PIK3R4: variants seen among roughly 807,000 people sequenced by gnomAD.
The protein encoded by PIK3R4 is phosphoinositide 3-kinase regulatory subunit 4.
Under a neutral mutation model 136.5 loss-of-function variants are expected in PIK3R4, and 46 were observed. That is an observed-to-expected ratio of 0.34 (90% CI 0.27 to 0.43). The LOEUF (loss-of-function observed/expected upper bound fraction) is 0.43. Among genes scored for constraint, PIK3R4 ranks in the 20% least tolerant of loss-of-function variants. The pLI is 1.00. For missense variants in PIK3R4, 1,331 were observed against 1,649.5 expected (o/e 0.81, Z 3.35); for synonymous variants, 557 against 566.7 (o/e 0.98, Z 0.24).
At position 130,745,361 on chromosome 3, in the gene PIK3R4, T is replaced by C. The variant is rs1395186874; in HGVS notation, c.-46-97A>G. ...ATTTGGTCTCTTCCAAAAAGACAGA[T>C]GCAGCATACTTCTCTTCCACTAACA... On this transcript the variant is annotated intron_variant, in intron 1 of 19. Transcript: ENST00000356763. 5.1e-6 allele frequency: 4 copies of C among 789,422 alleles called. No homozygotes were observed. The African/African-American group carries it at 7.0e-5, about 14-fold the overall frequency. The allele number at this position is 789,422 out of a possible 1,614,324, so 48.9% of individuals were successfully genotyped here.
chr3:130,718,782 G>A (rs1171722818), intron 7 of PIK3R4, among the ~76,000 whole-genome samples: 2 of 152,106 alleles, frequency 1.3e-5, no homozygotes, highest in Admixed American at 6.5e-5. Context: ...CATAGCTGAG[G>A]ACTTAAAATT....
chr3:130,731,938 C>T (rs1356908657), intron 4 of PIK3R4, among the ~76,000 whole-genome samples: 1 of 152,182 alleles, frequency 6.6e-6, no homozygotes, highest in Non-Finnish European at 1.5e-5. Flanking sequence ...TGCAGTGAGC[C>T]ATGATCTCCC....
chr3:130,692,740 T>C (rs907409846), intron 13 of PIK3R4, among the ~76,000 whole-genome samples: 1 of 152,204 alleles, frequency 6.6e-6, no homozygotes, highest in Non-Finnish European at 1.5e-5. Flanking sequence ...ATCAGTACTG[T>C]AAATGAGTAA....
intron 13 of PIK3R4, among the ~76,000 whole-genome samples, chr3:130,701,247 C>T (rs2066572503): frequency 6.6e-6 from 1 of 152,114 alleles, no homozygotes; most frequent in Non-Finnish European, 1.5e-5. Context: ...TGCGGTGGCT[C>T]ACACCCGTAA....
At chr3:130,702,981 C>T (rs899247166) in intron 13 of PIK3R4, among the ~76,000 whole-genome samples, 1 of 152,098 alleles carries the variant, frequency 6.6e-6, no homozygotes, top group Non-Finnish European at 1.5e-5. Flanking sequence ...TGATCATTTC[C>T]CACCACCTCA....
chr3:130,736,180 G>A (rs924650100), intron 2 of PIK3R4, among the ~76,000 whole-genome samples, 178 bp from the exon 3 acceptor site: 8 of 152,084 alleles, frequency 5.3e-5, no homozygotes, highest in Non-Finnish European at 1.0e-4. Flanking sequence ...TCTATTACCC[G>A]AACACTGGTT....
intron 1 of PIK3R4, among the ~76,000 whole-genome samples, chr3:130,745,884 G>A (rs2066850307): frequency 6.6e-6 from 1 of 152,240 alleles, no homozygotes; most frequent in South Asian, 2.1e-4. Flanking sequence ...TTAGCCGGGC[G>A]TGGTAGTGGG....
At chr3:130,705,815 G>A in intron 11 of PIK3R4, 44 bp from the exon 12 acceptor site, 1 of 1,217,180 alleles carries the variant, frequency 8.2e-7, no homozygotes, top group South Asian at 1.3e-5. Flanking sequence ...CGTAAGCAAA[G>A]TATATTTGAA....
Position 130,694,095 on chromosome 3 carries a change from T to C in PIK3R4, c.3099-3441A>G, listed in dbSNP as rs1027519501. 2.0e-5 allele frequency among the ~76,000 whole-genome samples: 3 copies of C among 152,216 alleles called. No homozygotes were observed. In the East Asian group the frequency reaches 5.8e-4, roughly 29 times the overall value. On this transcript the variant is annotated intron_variant, in intron 13 of 19. Transcript: ENST00000356763. ...ACTTCTGCATGTCAGTTCTATACCA[T>C]GAATATATGACACAGACATAGACAT...
chr3:130,740,172 T>TG (rs909193488), intron 2 of PIK3R4, among the ~76,000 whole-genome samples: 1 of 151,782 alleles, frequency 6.6e-6, no homozygotes, highest in Non-Finnish European at 1.5e-5. Flanking sequence ...AAAAATTAAG[T>TG]GGGGGGAGGC....
intron 5 of PIK3R4, 80 bp from the exon 6 acceptor site, chr3:130,728,764 G>T: frequency 1.1e-6 from 1 of 935,406 alleles, no homozygotes; most frequent in South Asian, 1.9e-5. Flanking sequence ...CATACAGATA[G>T]TCCCAGTCTT....
Position 130,718,421 on chromosome 3 carries a change from G to A in PIK3R4, c.2095C>T (p.Leu699Phe). ...ATTGGTTGGGTAATATATGGGTCAA[G>A]ATAAGGCATCAGTTTACAGTAGACA... ...ADVYCKLMPY[L>F]DPYITQPIIQ... The change falls in exon 8 of 20, where the codon CTT becomes TTT. Residue 699 changes from leucine to phenylalanine, a missense_variant. Coordinates refer to ENST00000356763, the MANE Select transcript of PIK3R4 (RefSeq NM_014602.3). 1 of 1,613,678 alleles carries A rather than the reference G, an allele frequency of 6.2e-7. No individual in the cohort carries two copies. The highest frequency in any genetic ancestry group is 8.5e-7 in the Non-Finnish European group (1 of 1,179,642).
chr3:130,706,923 G>T, intron 11 of PIK3R4, 25 bp downstream of exon 11: 1 of 1,567,716 alleles, frequency 6.4e-7, no homozygotes, highest in Non-Finnish European at 8.7e-7. Context: ...ACATTAGGAG[G>T]ACTACTGACT....
In PIK3R4 at chr3:130,744,549, C is replaced by T; in HGVS notation, c.670G>A (p.Asp224Asn). 4 of 1,614,158 alleles carry T rather than the reference C, an allele frequency of 2.5e-6. No homozygotes were observed. The highest frequency in any genetic ancestry group is 3.4e-6 in the Non-Finnish European group (4 of 1,179,994). The change falls in exon 2 of 20, where the codon GAC becomes AAC. Residue 224 changes from aspartate to asparagine, a missense_variant. By Grantham distance (23) the Asp-to-Asn change is conservative (BLOSUM62 1). Coordinates refer to ENST00000356763, the MANE Select transcript of PIK3R4 (RefSeq NM_014602.3). ...YMRDPSTPLV[D>N]LNSNQRTRGE... ...CTTGTTCTCTGATTGCTATTTAAGT[C>T]TACAAGCGGAGTTGAAGGATCTCTC...
At chr3:130,693,968 T>A (rs2066532948) in intron 13 of PIK3R4, among the ~76,000 whole-genome samples, 1 of 152,110 alleles carries the variant, frequency 6.6e-6, no homozygotes, top group Non-Finnish European at 1.5e-5. Flanking sequence ...TCTTTTTCCA[T>A]GCGGAAATCC....
At chr3:130,683,262 T>C (rs60201446) in intron 16 of PIK3R4, among the ~76,000 whole-genome samples, 33,393 of 150,920 alleles carry the variant, frequency 0.22, 3,876 homozygotes, top group South Asian at 0.37. Context: ...CAATGGCTAT[T>C]AGACATCTTA....
At chr3:130,702,451 A>G (rs1559823083) in intron 13 of PIK3R4, among the ~76,000 whole-genome samples, 1 of 152,234 alleles carries the variant, frequency 6.6e-6, no homozygotes, top group African/African-American at 2.4e-5. Context: ...ATATAGAGCT[A>G]ATCGGCACAA....
chr3:130,695,650 A>C (rs2066541682), intron 13 of PIK3R4, among the ~76,000 whole-genome samples: 1 of 152,170 alleles, frequency 6.6e-6, no homozygotes, highest in Non-Finnish European at 1.5e-5. Flanking sequence ...ATTTTGAGAG[A>C]TAGAGACTCT....
intron 14 of PIK3R4, among the ~76,000 whole-genome samples, chr3:130,689,077 T>C (rs1009232337): frequency 2.0e-5 from 3 of 152,204 alleles, no homozygotes; most frequent in African/African-American, 7.2e-5. Context: ...GTAAGAGCTA[T>C]CTATGAGAAC....
Sources: allele counts gnomAD v4.1 joint callset (sites outside exome capture counted in the v4.1 genomes callset), GRCh38; gene constraint gnomAD v4.1.1; transcripts MANE v1.5; gene names NCBI Gene and HGNC (gene_info 2026-07-23, HGNC 2026-07-21).